RUFY4: variants seen among roughly 807,000 people sequenced by gnomAD.
The protein encoded by RUFY4 is RUN and FYVE domain-containing protein 4.
A neutral mutation model predicts 69.0 loss-of-function variants in RUFY4; 73 were observed. The observed-to-expected ratio is 1.06, with a 90% CI of 0.88 to 1.29. The LOEUF is 1.29. RUFY4 is among the 50% of genes most tolerant of loss of function. RUFY4 has a pLI of 0.00. For synonymous variants in RUFY4, 287 were observed against 271.8 expected, an observed-to-expected ratio of 1.06 and a Z score of -0.55; for missense variants, 770 against 705.6, an observed-to-expected ratio of 1.09 and a Z score of -1.03.
chr2:218,087,329 T>TAATTA (rs1331206059), intron 9 of RUFY4, among the ~76,000 whole-genome samples: 5 of 152,130 alleles, frequency 3.3e-5, no homozygotes, highest in Non-Finnish European at 7.3e-5. Context: ...ATTAATATTT[T>TAATTA]AATTAAATTA....
At chr2:218,051,948 C>A (rs1282955348) in intron 2 of RUFY4, among the ~76,000 whole-genome samples, 1 of 152,056 alleles carries the variant, frequency 6.6e-6, no homozygotes, top group African/African-American at 2.4e-5. Flanking sequence ...TTTAAATTTT[C>A]TACATAATTT....
At chr2:218,089,188 T>C (rs1015063632) in intron 9 of RUFY4, 64 bp from the exon 12 acceptor site, 38 of 1,330,116 alleles carry the variant, frequency 2.9e-5, no homozygotes, top group Non-Finnish European at 4.0e-5. Context: ...TCTGGGTCTT[T>C]TCCCATTTCT....
chr2:218,044,269 C>G lies in RUFY4; in HGVS notation c.-1158+8875C>G, dbSNP rs78389925. ...AGTGTTTTGGCAGTGGCCAGATGAG[C>G]CACTGCTGCCATCAGTTTCATGAAA... On this transcript the variant is annotated intron_variant and NMD_transcript_variant, in intron 2 of 13. Coordinates refer to the RUFY4 transcript ENST00000457754. 5.6e-4 allele frequency among the ~76,000 whole-genome samples: 85 copies of G among 152,302 alleles called. No homozygotes were observed. The East Asian group carries it at 6.6e-3, about 12-fold the overall frequency.
chr2:218,046,190 T>C (rs1332985255), intron 2 of RUFY4, among the ~76,000 whole-genome samples: 2 of 152,026 alleles, frequency 1.3e-5, no homozygotes, highest in East Asian at 3.9e-4. Context: ...TGTCATTTGC[T>C]TGTGTTGGGA....
At chr2:218,070,067 C>T (rs963786364), upstream of RUFY4, among the ~76,000 whole-genome samples, 12 of 152,132 alleles carry the variant, frequency 7.9e-5, no homozygotes, top group African/African-American at 1.9e-4. Context: ...GTAGGTGTCT[C>T]GAGGAGACTG....
intron 2 of RUFY4, among the ~76,000 whole-genome samples, chr2:218,037,193 G>A (rs139400079): frequency 4.1e-4 from 62 of 152,054 alleles, no homozygotes; most frequent in Middle Eastern, 3.4e-3. Context: ...GGTGGCAGGC[G>A]CCTGTAACCT....
chr2:218,088,483 G>T (rs1374811509), intron 9 of RUFY4, among the ~76,000 whole-genome samples: 1 of 150,818 alleles, frequency 6.6e-6, no homozygotes, highest in South Asian at 2.1e-4. Flanking sequence ...AAAGAAAAAA[G>T]AAAAAAGCAG....
At chr2:218,089,953 C>G in exon 11 of RUFY4, 1 of 1,557,490 alleles carries the variant, frequency 6.4e-7, no homozygotes, top group Non-Finnish European at 8.7e-7. Context: ...GCCTTCCAGG[C>G]TCTGTGGAGG....
At chr2:218,088,467 A>G (rs560903683) in intron 9 of RUFY4, among the ~76,000 whole-genome samples, 9 of 152,094 alleles carry the variant, frequency 5.9e-5, no homozygotes, top group African/African-American at 2.2e-4. Context: ...AAAAAAAAAA[A>G]AAAGAAAAGA....
chr2:218,077,873 G>A (rs1376396924), intron 8 of RUFY4, among the ~76,000 whole-genome samples: 1 of 152,236 alleles, frequency 6.6e-6, no homozygotes, highest in Non-Finnish European at 1.5e-5. Context: ...GAACATGGGG[G>A]TTCTGGCCAC....
intron 8 of RUFY4, among the ~76,000 whole-genome samples, chr2:218,080,212 C>A (rs1559436668): frequency 1.3e-5 from 2 of 152,200 alleles, no homozygotes; most frequent in Non-Finnish European, 2.9e-5. Flanking sequence ...TCTGTGCTAC[C>A]AGAGGCTGGG....
chr2:218,041,310 A>G (rs1688691618), intron 2 of RUFY4, among the ~76,000 whole-genome samples: 1 of 152,198 alleles, frequency 6.6e-6, no homozygotes, highest in African/African-American at 2.4e-5. Flanking sequence ...CTGCTTATCA[A>G]TTTCTGTATA....
chr2:218,082,165 C>G (rs945340762), intron 8 of RUFY4, among the ~76,000 whole-genome samples: 1 of 152,150 alleles, frequency 6.6e-6, no homozygotes, highest in African/African-American at 2.4e-5. Flanking sequence ...AAAGAAAAAC[C>G]AAGAGTGGAG....
At chr2:218,035,960 C>G (rs780526501) in intron 2 of RUFY4, among the ~76,000 whole-genome samples, 44 of 152,178 alleles carry the variant, frequency 2.9e-4, no homozygotes, top group Non-Finnish European at 2.6e-4. Context: ...GGGGACACTC[C>G]CAGCCTAGTG....
At chr2:218,077,532 A>C (rs909783952) in intron 8 of RUFY4, among the ~76,000 whole-genome samples, 1 of 152,060 alleles carries the variant, frequency 6.6e-6, no homozygotes, top group African/African-American at 2.4e-5. Context: ...GTCTCTTCTC[A>C]CTGCAGAGAT....
chr2:218,056,688 TGCACAAAGG>T (rs1689073207), intron 2 of RUFY4, among the ~76,000 whole-genome samples: 1 of 152,218 alleles, frequency 6.6e-6, no homozygotes, highest in African/African-American at 2.4e-5. Context: ...AAGCATTCAG[TGCACAAAGG>T]GCCTGACCAG....
intron 2 of RUFY4, among the ~76,000 whole-genome samples, chr2:218,049,421 C>T (rs1211907660): frequency 6.6e-6 from 1 of 152,118 alleles, no homozygotes; most frequent in Non-Finnish European, 1.5e-5. Context: ...ACTCTCCTGG[C>T]CAGTAGAGTT....
At chr2:218,044,854 A>G (rs892999922) in intron 2 of RUFY4, among the ~76,000 whole-genome samples, 29 of 152,134 alleles carry the variant, frequency 1.9e-4, no homozygotes, top group Non-Finnish European at 3.2e-4. Flanking sequence ...ATGGGAATTT[A>G]GGTTGATTCT....
intron 10 of RUFY4, 60 bp downstream of exon 12, chr2:218,089,422 C>A: frequency 7.1e-7 from 1 of 1,402,988 alleles, no homozygotes; most frequent in Non-Finnish European, 9.9e-7. Flanking sequence ...CAGCTGACAG[C>A]CCCCACCCAC....
Sources: gnomAD v4.1 joint callset for allele counts (sites outside exome capture counted in the v4.1 genomes callset) on GRCh38, gnomAD v4.1.1 for gene constraint, MANE v1.5 for transcripts, NCBI Gene and HGNC (gene_info 2026-07-23, HGNC 2026-07-21) for gene names.